The following SSH1 variants were observed in gnomAD, a reference collection of about 807,000 sequenced individuals.
SSH1 encodes the protein protein phosphatase Slingshot homolog 1.
Under a neutral mutation model 79.7 loss-of-function variants are expected in SSH1, and 43 were observed. That is an observed-to-expected ratio of 0.54 (90% CI 0.42 to 0.70). SSH1 has a LOEUF of 0.70. Ranked by LOEUF, SSH1 falls within the 30% of genes least tolerant of loss-of-function variation. The pLI is 0.00. For missense variants in SSH1, 1,206 were observed against 1,358.8 expected, an observed-to-expected ratio of 0.89 and a Z score of 1.77; for synonymous variants, 599 against 538.3, an observed-to-expected ratio of 1.11 and a Z score of -1.56.
At chr12:108,822,439 G>A (rs531170339) in intron 3 of SSH1, among the ~76,000 whole-genome samples, 3 of 150,292 alleles carry the variant, frequency 2.0e-5, no homozygotes, top group African/African-American at 7.3e-5. Flanking sequence ...CTGGCCATAA[G>A]TGTGTTTTGT....
At chr12:108,813,108 C>T (rs2037701631) in intron 5 of SSH1, among the ~76,000 whole-genome samples, 2 of 152,010 alleles carry the variant, frequency 1.3e-5, no homozygotes, top group African/African-American at 2.4e-5. Context: ...TCAAGCAGTC[C>T]TCTTGTCTCC....
At chr12:108,793,814 AAGAG>A (rs1271905516) in intron 13 of SSH1, among the ~76,000 whole-genome samples, 7 of 152,350 alleles carry the variant, frequency 4.6e-5, no homozygotes, top group Admixed American at 1.3e-4. Flanking sequence ...GAGGGTTAAA[AAGAG>A]AGAGGTAAAT....
chr12:108,808,515 C>T (rs1189531855), intron 7 of SSH1, among the ~76,000 whole-genome samples: 1 of 152,216 alleles, frequency 6.6e-6, no homozygotes, highest in Non-Finnish European at 1.5e-5. Context: ...TTAAGAACTG[C>T]TCCTGAAGCG....
Position 108,812,899 on chromosome 12 carries a change from G to A in SSH1, c.402-1571C>T, listed in dbSNP as rs949540361. Among the ~76,000 whole-genome samples, 29 of 142,588 alleles carry A rather than the reference G, an allele frequency of 2.0e-4. No individual in the cohort carries two copies. In the East Asian group the frequency reaches 2.8e-3, roughly 14 times the overall value. 93.5% of individuals were successfully genotyped at this position (142,588 alleles called of 152,430 possible). Reference sequence around the variant, plus strand: ...TTTTTTTGAGCCAGAGTCTTGCTCCGTTGCCCAGGCTGGAATACAGTGGTG... The same window carrying A: ...TTTTTTTGAGCCAGAGTCTTGCTCCATTGCCCAGGCTGGAATACAGTGGTG... On this transcript the variant is annotated intron_variant, in intron 5 of 14. Transcript: ENST00000326495.
intron 11 of SSH1, 130 bp downstream of exon 11, chr12:108,802,192 G>T: frequency 1.3e-6 from 1 of 762,862 alleles, no homozygotes; most frequent in Non-Finnish European, 2.3e-6. Flanking sequence ...ATCAACCCCT[G>T]GCAGCCACTT....
chr12:108,831,840 T>C (rs2137227065), intron 2 of SSH1, among the ~76,000 whole-genome samples: 1 of 152,310 alleles, frequency 6.6e-6, no homozygotes, highest in South Asian at 2.1e-4. Context: ...TTAGCGTAAA[T>C]TGGTTTCTTA....
intron 7 of SSH1, among the ~76,000 whole-genome samples, chr12:108,808,895 G>A (rs1304988575): frequency 4.8e-5 from 7 of 145,638 alleles, no homozygotes; most frequent in South Asian, 4.4e-4. Flanking sequence ...GTGCAGGGGC[G>A]TGATCTCGGT....
chr12:108,787,653 A>G lies in SSH1; in HGVS notation c.*335T>C, dbSNP rs575336974. On this transcript the variant is annotated 3_prime_UTR_variant, in exon 15 of 15. Transcript: ENST00000326495. ...GCTGCCACCACCAGGACTCTTCTGC[A>G]GGATGCGAAGGGAACAGTCTGGATG... 1.7e-5 allele frequency: 6 copies of G among 343,398 alleles called. No homozygotes were observed. Among genetic ancestry groups the G allele is most frequent in the Admixed American group, 4.4e-5 (1 of 22,896 alleles). The allele number at this position is 343,398 out of a possible 1,614,324, so 21.3% of individuals were successfully genotyped here. A position where few individuals can be genotyped will look rare whatever the true frequency, so the allele number is the denominator to read the frequency against.
intron 7 of SSH1, among the ~76,000 whole-genome samples, chr12:108,809,400 TG>T (rs1182314098): frequency 6.8e-6 from 1 of 148,032 alleles, no homozygotes; most frequent in Non-Finnish European, 1.5e-5. Flanking sequence ...AAGGCTGCAG[TG>T]AACCATGATC....
intron 5 of SSH1, among the ~76,000 whole-genome samples, chr12:108,813,695 G>A (rs1384023062): frequency 8.1e-6 from 1 of 123,946 alleles, no homozygotes; most frequent in Non-Finnish European, 1.6e-5. Context: ...GTGACAGAGC[G>A]AGATCCTGTC....
chr12:108,815,032 G>A (rs772349170), intron 5 of SSH1, among the ~76,000 whole-genome samples: 4 of 152,328 alleles, frequency 2.6e-5, no homozygotes, highest in Non-Finnish European at 5.9e-5. Flanking sequence ...CTGGCGGGGC[G>A]CCCGGCACAG....
intron 2 of SSH1, among the ~76,000 whole-genome samples, chr12:108,846,819 GAACT>G (rs779480619): frequency 6.6e-6 from 1 of 152,060 alleles, no homozygotes. Context: ...CCTCTGCCGT[GAACT>G]AACACTGCAC....
intron 13 of SSH1, among the ~76,000 whole-genome samples, chr12:108,796,294 A>G (rs2036749627): frequency 6.6e-6 from 1 of 152,248 alleles, no homozygotes; most frequent in South Asian, 2.1e-4. Context: ...GAGAGCCTCT[A>G]GAGTCTCCAG....
chr12:108,837,769 G>A (rs1337925263), intron 2 of SSH1, among the ~76,000 whole-genome samples: 12 of 151,690 alleles, frequency 7.9e-5, no homozygotes, highest in African/African-American at 4.8e-5. Flanking sequence ...ACAAGTTTTC[G>A]AGTTACCAAT....
At position 108,828,789 on chromosome 12, in the gene SSH1, G is replaced by A. The variant is rs537312393; in HGVS notation, c.111-5428C>T. ...GGAGTTCTGTAAACCACACAGCCAC[G>A]CTGACCAAGAAGTCGCTTTCAAGGT... is the stretch of plus-strand genomic sequence containing the variant. On this transcript the variant is annotated intron_variant, in intron 2 of 14. Transcript: ENST00000326495. Among the ~76,000 whole-genome samples the A allele has an allele frequency of 3.3e-5, 5 of 152,280 alleles. No homozygotes were observed. In the South Asian group the frequency reaches 1.0e-3, roughly 32 times the overall value.
chr12:108,835,879 TTAATTAATTATAACTATATTAATA>T (rs1566012746), intron 2 of SSH1, among the ~76,000 whole-genome samples: 25 of 108,396 alleles, frequency 2.3e-4, no homozygotes, highest in African/African-American at 8.2e-4. Context: ...ACATATTATA[TTAATTAATTATAACTATATTAATA>T]TAATTAATTA....
At position 108,807,602 on chromosome 12, in the gene SSH1, G is replaced by T; in HGVS notation, c.731+31C>A. ...GGAGAGGCAGGTGCCTGTGGGCTTG[G>T]GTGCGCTCACACCAGAGGCACCTCA... On this transcript the variant is annotated intron_variant, in intron 8 of 14. Transcript: ENST00000326495. The surrounding 1 kb of genome is among the most constrained non-coding windows in gnomAD (Gnocchi z 5.2). The T allele has an allele frequency of 6.2e-7, 1 of 1,608,524 alleles. No individual in the cohort carries two copies. The highest frequency in any genetic ancestry group is 8.5e-7 in the Non-Finnish European group (1 of 1,176,478).
intron 2 of SSH1, chr12:108,834,222 G>A (rs1179083804): frequency 6.6e-6 from 1 of 152,264 alleles, no homozygotes; most frequent in East Asian, 1.9e-4. Context: ...TCTATCCCCA[G>A]CTATAGCACT....
chr12:108,849,425 C>T (rs1381890871), intron 2 of SSH1, among the ~76,000 whole-genome samples: 7 of 151,862 alleles, frequency 4.6e-5, no homozygotes, highest in South Asian at 2.1e-4. Context: ...GGTGTGGTGG[C>T]GCACGCCTGT....
Sources: gnomAD v4.1 joint callset for allele counts (sites outside exome capture counted in the v4.1 genomes callset) on GRCh38, gnomAD v4.1.1 for gene constraint, Gnocchi (gnomAD v3.1) non-coding constraint, MANE v1.5 for transcripts, NCBI Gene and HGNC (gene_info 2026-07-23, HGNC 2026-07-21) for gene names.